Variants in TEDC2 observed in about 807,000 individuals in gnomAD.
The protein encoded by TEDC2 is tubulin epsilon and delta complex protein 2.
In TEDC2, 49 loss-of-function variants were observed where a neutral mutation model predicts 48.1. The observed-to-expected ratio is 1.02, with a 90% CI of 0.81 to 1.29. The LOEUF (loss-of-function observed/expected upper bound fraction) is 1.29. TEDC2 is among the 50% of genes most tolerant of loss of function. The pLI is 0.00. For missense variants in TEDC2, 631 were observed against 571.4 expected, an observed-to-expected ratio of 1.10 and a Z score of -1.06; for synonymous variants, 299 against 247.1, an observed-to-expected ratio of 1.21 and a Z score of -1.97.
At position 2,462,185 on chromosome 16, in the gene TEDC2, T is replaced by G. The variant is rs1434086188; in HGVS notation, c.696T>G (p.Asp232Glu). 1 of 1,613,276 alleles carries G rather than the reference T, an allele frequency of 6.2e-7. No homozygotes were observed. Among genetic ancestry groups the G allele is most frequent in the Admixed American group, 1.7e-5 (1 of 60,012 alleles). The stretch of plus-strand genomic sequence containing the variant: ...AGCTCAGTTCCACACAGACCAGTGA[T>G]TCCACGGATGCCGCCGCTGCCAAAA... ...WAQLSSTQTSDSTDAAAAKTQ... is the reference protein window; with the variant it reads ...WAQLSSTQTSESTDAAAAKTQ... Residue 232 changes from aspartate (D) to glutamate (E), a missense_variant, in exon 6 of 10, where the codon GAT (aspartate) becomes GAG (glutamate). Coordinates refer to ENST00000361837, the MANE Select transcript of TEDC2 (RefSeq NM_025108.3).
In TEDC2 at chr16:2,462,744, C is replaced by A; in HGVS notation, c.964+12C>A. Reference sequence around the variant, plus strand: ...GGAGCTGCGTGCAGGTGAGACCCCGCCCCCACCCTGCCACCTGCACTGAGG... The same window carrying A: ...GGAGCTGCGTGCAGGTGAGACCCCGACCCCACCCTGCCACCTGCACTGAGG... On this transcript the variant is annotated intron_variant, in intron 8 of 9. Coordinates refer to ENST00000361837, the MANE Select transcript of TEDC2 (RefSeq NM_025108.3). 6.5e-7 allele frequency: 1 copy of A among 1,528,812 alleles called. No individual in the cohort carries two copies. The highest frequency in any genetic ancestry group is 8.8e-7 in the Non-Finnish European group (1 of 1,139,904). The allele number at this position is 1,528,812 out of a possible 1,614,324, so 94.7% of individuals were successfully genotyped here. A position where few individuals can be genotyped will look rare whatever the true frequency, so the allele number is the denominator to read the frequency against.
At position 2,464,021 on chromosome 16, in the gene TEDC2, A is replaced by T; in HGVS notation, c.965-18A>T. ...GTTCGGCTGCTACCCCAAAGGCCACATTCTCCTGTGCACACAGCGGTGGCG... is the reference window on the plus strand; with the variant it reads ...GTTCGGCTGCTACCCCAAAGGCCACTTTCTCCTGTGCACACAGCGGTGGCG... On this transcript the variant is annotated intron_variant, in intron 8 of 9. Transcript: ENST00000361837. 6.3e-7 allele frequency: 1 copy of T among 1,598,162 alleles called. No individual in the cohort carries two copies. Among genetic ancestry groups the T allele is most frequent in the South Asian group, 1.1e-5 (1 of 90,714 alleles).
rs370022480 is a variant in TEDC2, at chr16:2,461,131, G to A, written c.512G>A (p.Arg171Gln). Reference protein sequence around the residue: ...GDGTRVGMGARTPRPGAGLRD... With the variant: ...GDGTRVGMGAQTPRPGAGLRD... ...GGGACCCGTGTTGGGATGGGAGCCC[G>A]AACCCCCAGGCCTGGGGCGGGCCTC... is the stretch of plus-strand genomic sequence containing the variant. The change falls in exon 4 of 10, where the codon CGA becomes CAA. Residue 171 changes from arginine (R) to glutamine (Q), a missense_variant. Arg to Gln is a conservative substitution (Grantham distance 43). Transcript: ENST00000361837. 31 of 1,562,068 alleles carry A rather than the reference G, an allele frequency of 2.0e-5. No homozygotes were observed. The highest frequency in any genetic ancestry group is 6.8e-5 in the East Asian group (3 of 44,398).
intron 8 of TEDC2, 137 bp from the exon 9 acceptor site, chr16:2,463,902 A>G: frequency 2.1e-6 from 2 of 955,770 alleles, no homozygotes; most frequent in South Asian, 1.7e-5. Context: ...ACCATCTTGC[A>G]TGGGGCTGTC....
At chr16:2,463,923 A>C (rs1339704276) in intron 8 of TEDC2, 116 bp from the exon 9 acceptor site, 4 of 1,188,250 alleles carry the variant, frequency 3.4e-6, no homozygotes, top group Non-Finnish European at 1.2e-6. Context: ...CTGAAAGCCC[A>C]CCTTTCTCCT....
intron 4 of TEDC2, 133 bp downstream of exon 4, chr16:2,461,357 G>T: frequency 8.3e-7 from 1 of 1,209,072 alleles, no homozygotes; most frequent in South Asian, 1.9e-5. Context: ...TGAGGCTCAT[G>T]CTCAGAAGCT....
intron 9 of TEDC2, 83 bp downstream of exon 9, chr16:2,464,312 C>T (rs755022463): frequency 6.7e-7 from 1 of 1,493,330 alleles, no homozygotes; most frequent in Non-Finnish European, 9.1e-7. Flanking sequence ...TGCTCCACCC[C>T]CCAGGACCCA....
chr16:2,460,460 C>A (rs1490874401), intron 2 of TEDC2, 79 bp downstream of exon 2: 3 of 1,508,006 alleles, frequency 2.0e-6, no homozygotes, highest in South Asian at 1.2e-5. Context: ...GGCTGGGAGA[C>A]CGGGCGCAGC....
chr16:2,461,952 G>T, intron 5 of TEDC2, 152 bp downstream of exon 5: 1 of 1,198,002 alleles, frequency 8.3e-7, no homozygotes, highest in East Asian at 2.5e-5. Flanking sequence ...CAGCCGGTCA[G>T]CTTTGTCCCC....
chr16:2,463,699 A>C (rs2065481853), intron 8 of TEDC2, among the ~76,000 whole-genome samples: 1 of 151,806 alleles, frequency 6.6e-6, no homozygotes, highest in Non-Finnish European at 1.5e-5. Context: ...GGATTGCGTG[A>C]GGTGGTTATT....
chr16:2,463,969 A>G, intron 8 of TEDC2, 70 bp from the exon 9 acceptor site: 2 of 1,512,294 alleles, frequency 1.3e-6, no homozygotes, highest in South Asian at 1.2e-5. Flanking sequence ...CGGGAGGGCC[A>G]GGCACACAGG....
chr16:2,462,801 C>T lies in TEDC2; in HGVS notation c.964+69C>T. 4 of 1,389,444 alleles carry T rather than the reference C, an allele frequency of 2.9e-6. No individual in the cohort carries two copies. The Admixed American group carries it at 7.1e-5, about 25-fold the overall frequency. 86.1% of individuals were successfully genotyped at this position (1,389,444 alleles called of 1,614,324 possible). On this transcript the variant is annotated intron_variant, in intron 8 of 9. Transcript: ENST00000361837. The stretch of plus-strand genomic sequence containing the variant: ...CCGGGGACAGGGTGCTTTAGCCAGG[C>T]TTGTCTGCGCCTCAGGGAAGGGTGA...
chr16:2,462,377 GC>G, intron 6 of TEDC2, 37 bp from the exon 7 acceptor site: 1 of 1,609,076 alleles, frequency 6.2e-7, no homozygotes, highest in Non-Finnish European at 8.5e-7. Flanking sequence ...GAGCAGAGGG[GC>G]TTTGGCTGCA....
At chr16:2,462,558 G>T (rs1261055658) in intron 7 of TEDC2, 32 bp downstream of exon 7, 35 of 1,573,238 alleles carry the variant, frequency 2.2e-5, no homozygotes, top group Non-Finnish European at 2.9e-5. Context: ...ATCAGGAGGA[G>T]TGTGGAGGGC....
rs1250682788 is a variant in TEDC2, at chr16:2,460,969, C to T, written c.350C>T (p.Thr117Met). 7 of 1,613,252 alleles carry T rather than the reference C, an allele frequency of 4.3e-6. No homozygotes were observed. Among genetic ancestry groups the T allele is most frequent in the South Asian group, 2.2e-5 (2 of 91,078 alleles). ...KSRSIVTSSG[T>M]TASAPPHSPG... ...AGGTCCATTGTCACCTCTTCTGGCA[C>T]GACAGCCTCCGCCCCACCGCATTCC... is the stretch of plus-strand genomic sequence containing the variant. Residue 117 changes from threonine to methionine, a missense_variant, in exon 4 of 10, where the codon ACG becomes ATG. Transcript: ENST00000361837.
intron 8 of TEDC2, among the ~76,000 whole-genome samples, chr16:2,463,595 C>T (rs980775001): frequency 3.3e-5 from 5 of 151,524 alleles, no homozygotes; most frequent in Admixed American, 3.3e-4. Context: ...CCACTGCACT[C>T]CAGCCTGGGT....
rs541828211 is a variant in TEDC2, at chr16:2,460,141, C to T, written c.-4C>T. 146 of 1,347,830 alleles carry T rather than the reference C, an allele frequency of 1.1e-4. 1 individual carries two copies. The South Asian group carries it at 2.4e-3, about 22-fold the overall frequency. 83.5% of individuals were successfully genotyped at this position (1,347,830 alleles called of 1,614,324 possible). A position where few individuals can be genotyped will look rare whatever the true frequency, so the allele number is the denominator to read the frequency against. On this transcript the variant is annotated 5_prime_UTR_variant, in exon 1 of 10. Coordinates refer to ENST00000361837, the MANE Select transcript of TEDC2 (RefSeq NM_025108.3). ...GCAAATTGCAAGGAGACGCCGCCGC[C>T]TTCATGCTGCCGGCGGGCTGCTCGC... is the stretch of plus-strand genomic sequence containing the variant.
At chr16:2,463,356 G>C (rs376217703) in intron 8 of TEDC2, among the ~76,000 whole-genome samples, 42 of 151,788 alleles carry the variant, frequency 2.8e-4, no homozygotes, top group African/African-American at 1.0e-3. Flanking sequence ...GCCGGGCACA[G>C]TGGCTCACGC....
chr16:2,462,449 A>C lies in TEDC2; in HGVS notation c.785A>C (p.Glu262Ala), dbSNP rs2065472596. The change falls in exon 7 of 10, where the codon GAG becomes GCG. Residue 262 changes from glutamate to alanine, a missense_variant. Transcript: ENST00000361837. ...CCCCAGCCCAGGCTCAGTGCTGTGG[A>C]GGTGGAGGCGGAGGCGGGGCGCCTG... Reference protein sequence around the residue: ...GGPQPRLSAVEVEAEAGRLRK... With the variant: ...GGPQPRLSAVAVEAEAGRLRK... 1 of 1,611,266 alleles carries C rather than the reference A, an allele frequency of 6.2e-7. No individual in the cohort carries two copies. Among genetic ancestry groups the C allele is most frequent in the Non-Finnish European group, 8.5e-7 (1 of 1,179,510 alleles).
Sources: allele counts gnomAD v4.1 joint callset (sites outside exome capture counted in the v4.1 genomes callset), GRCh38; gene constraint gnomAD v4.1.1; transcripts MANE v1.5; gene names NCBI Gene and HGNC (gene_info 2026-07-23, HGNC 2026-07-21).